The following ARHGAP35 variants were observed in gnomAD, a reference collection of about 807,000 sequenced individuals.
ARHGAP35 encodes the protein rho GTPase-activating protein 35.
ARHGAP35 carries 15 observed loss-of-function variants against 111.1 expected under a neutral mutation model. The ratio of observed to expected loss-of-function variants is 0.13; its 90% CI spans 0.09 to 0.21. ARHGAP35 has a LOEUF of 0.21. ARHGAP35 is among the 10% of genes least tolerant of loss of function. ARHGAP35 has a pLI of 1.00. For missense variants in ARHGAP35, 1,262 were observed against 1,873.0 expected, an observed-to-expected ratio of 0.67 and a Z score of 6.02; for synonymous variants, 643 against 710.3, an observed-to-expected ratio of 0.91 and a Z score of 1.51.
chr19:46,876,891 T>G (rs1479329011), intron 1 of ARHGAP35, among the ~76,000 whole-genome samples: 2 of 152,202 alleles, frequency 1.3e-5, no homozygotes, highest in Non-Finnish European at 2.9e-5. Context: ...TCCAGACTAC[T>G]GCAATAAAGC....
At chr19:46,903,122 A>G (rs2056089841) in intron 1 of ARHGAP35, among the ~76,000 whole-genome samples, 1 of 152,142 alleles carries the variant, frequency 6.6e-6, no homozygotes, top group Admixed American at 6.6e-5. Context: ...AGCAGAAATC[A>G]CAGATGGATT....
intron 1 of ARHGAP35, among the ~76,000 whole-genome samples, chr19:46,914,067 A>G (rs1432249583): frequency 6.6e-6 from 1 of 152,192 alleles, no homozygotes. Context: ...CTCTAAACCA[A>G]GTGTTTGAGA....
At chr19:46,971,759 A>C (rs2056551192) in intron 3 of ARHGAP35, among the ~76,000 whole-genome samples, 1 of 151,858 alleles carries the variant, frequency 6.6e-6, no homozygotes, top group Admixed American at 6.6e-5. Context: ...TGGCCTCCCA[A>C]AGTGCTGGGA....
At chr19:46,979,349 C>T (rs1160892936) in intron 3 of ARHGAP35, among the ~76,000 whole-genome samples, 1 of 152,126 alleles carries the variant, frequency 6.6e-6, no homozygotes, top group Non-Finnish European at 1.5e-5. Context: ...TTTGAATGTT[C>T]ACTCCCGTTT....
intron 1 of ARHGAP35, among the ~76,000 whole-genome samples, chr19:46,864,789 G>C (rs557635599): frequency 3.0e-4 from 46 of 152,296 alleles, no homozygotes; most frequent in Admixed American, 7.2e-4. Flanking sequence ...AGCCTTGTGT[G>C]TCATGATTAA....
At chr19:46,870,395 C>T (rs1037221389) in intron 1 of ARHGAP35, among the ~76,000 whole-genome samples, 6 of 151,616 alleles carry the variant, frequency 4.0e-5, no homozygotes, top group African/African-American at 4.8e-5. Flanking sequence ...GTGGCTAATA[C>T]GGTGAAATCC....
At chr19:46,970,454 A>G (rs2056539801) in intron 3 of ARHGAP35, among the ~76,000 whole-genome samples, 1 of 152,104 alleles carries the variant, frequency 6.6e-6, no homozygotes, top group African/African-American at 2.4e-5. Flanking sequence ...GCTTAACCTA[A>G]GGTCTGTGGA....
intron 1 of ARHGAP35, among the ~76,000 whole-genome samples, chr19:46,861,762 AT>A (rs2055829624): frequency 2.0e-5 from 3 of 151,566 alleles, no homozygotes; most frequent in Admixed American, 6.6e-5. Context: ...CTGTGCTATT[AT>A]TCCTGTCTCA....
At chr19:46,979,651 C>G (rs1599862112) in intron 3 of ARHGAP35, among the ~76,000 whole-genome samples, 1 of 152,182 alleles carries the variant, frequency 6.6e-6, no homozygotes, top group East Asian at 1.9e-4. Context: ...CGATGTTGCA[C>G]CTCCTCCCTC....
chr19:46,932,913 C>G (rs1027194131), intron 2 of ARHGAP35, among the ~76,000 whole-genome samples: 3 of 152,090 alleles, frequency 2.0e-5, no homozygotes, highest in African/African-American at 4.8e-5. Context: ...TCTCAGTTAG[C>G]CTTCCGTCTC....
chr19:46,943,392 G>A (rs1014958695), intron 3 of ARHGAP35, among the ~76,000 whole-genome samples: 5 of 152,158 alleles, frequency 3.3e-5, no homozygotes, highest in African/African-American at 9.7e-5. Flanking sequence ...CAGGGCACAC[G>A]TATGAATTGG....
intron 3 of ARHGAP35, among the ~76,000 whole-genome samples, chr19:46,960,398 G>A (rs983043144): frequency 6.6e-6 from 1 of 152,186 alleles, no homozygotes; most frequent in African/African-American, 2.4e-5. Context: ...TTATGTATGA[G>A]ACGGTAGGTG....
intron 2 of ARHGAP35, among the ~76,000 whole-genome samples, chr19:46,934,610 G>A (rs1353614968): frequency 1.3e-5 from 2 of 151,988 alleles, no homozygotes; most frequent in South Asian, 2.1e-4. Flanking sequence ...CAGGTGATCC[G>A]CCCGCCTTGC....
chr19:46,888,333 TACACACACAC>T lies in ARHGAP35; in HGVS notation c.-189+27147_-189+27156del, dbSNP rs72465629. ...ATATATATATAAAATATTGATTTTATACACACACACACACACACACACACACACACACCCC... is the reference window on the plus strand; with the variant it reads ...ATATATATATAAAATATTGATTTTATACACACACACACACACACACACCCC... On this transcript the variant is annotated intron_variant, in intron 1 of 6. Coordinates refer to ENST00000672722, the MANE Select transcript of ARHGAP35 (RefSeq NM_004491.5). 5.3e-3 allele frequency among the ~76,000 whole-genome samples: 354 copies of T among 67,416 alleles called. 5 individuals carry two copies. The highest frequency in any genetic ancestry group is 0.02 in the African/African-American group (336 of 17,162). 44.2% of individuals were successfully genotyped at this position (67,416 alleles called of 152,430 possible).
chr19:46,978,067 T>G (rs1201610), intron 3 of ARHGAP35, among the ~76,000 whole-genome samples: 152,294 of 152,324 alleles, frequency 1, 76,132 homozygotes, highest in Middle Eastern at 1. Context: ...GCCCTGCAAG[T>G]TCATCAGGAC....
At chr19:46,904,071 C>G (rs1203687596) in intron 1 of ARHGAP35, among the ~76,000 whole-genome samples, 1 of 152,136 alleles carries the variant, frequency 6.6e-6, no homozygotes, top group African/African-American at 2.4e-5. Flanking sequence ...TTCCCAGTCA[C>G]TTTGACTCTA....
intron 3 of ARHGAP35, among the ~76,000 whole-genome samples, chr19:46,958,487 A>G (rs749246231): frequency 2.0e-5 from 3 of 152,170 alleles, no homozygotes; most frequent in Non-Finnish European, 4.4e-5. Context: ...GTAGAAAACT[A>G]CTATGGGAGG....
At chr19:46,923,149 C>T (rs2056214210) in intron 2 of ARHGAP35, among the ~76,000 whole-genome samples, 1 of 148,194 alleles carries the variant, frequency 6.7e-6, no homozygotes, top group Non-Finnish European at 1.5e-5. Context: ...CAGTCACCCA[C>T]GCTAGAGTGC....
In ARHGAP35 at chr19:46,922,403, C is replaced by T. The variant is rs558796421; in HGVS notation, c.3681+47C>T. ...AGTCATAGTGTTTTGTACAGCGTCTCGGTGAGGGTTGATTGATGATGATTT... is the reference window on the plus strand; with the variant it reads ...AGTCATAGTGTTTTGTACAGCGTCTTGGTGAGGGTTGATTGATGATGATTT... On this transcript the variant is annotated intron_variant, in intron 2 of 6. Transcript: ENST00000672722. The surrounding 1 kb of genome is among the most constrained non-coding windows in gnomAD (Gnocchi z 4.0). 204 of 1,446,678 alleles carry T rather than the reference C, an allele frequency of 1.4e-4. 8 individuals are homozygous for T. In the South Asian group the frequency reaches 2.8e-3, roughly 20 times the overall value. 89.6% of individuals were successfully genotyped at this position (1,446,678 alleles called of 1,614,324 possible).
Sources: gnomAD v4.1 joint callset for allele counts (sites outside exome capture counted in the v4.1 genomes callset) on GRCh38, gnomAD v4.1.1 for gene constraint, Gnocchi (gnomAD v3.1) non-coding constraint, MANE v1.5 for transcripts, NCBI Gene and HGNC (gene_info 2026-07-23, HGNC 2026-07-21) for gene names.